The following LSP1 variants were observed in gnomAD, a reference collection of about 807,000 sequenced individuals.
The protein encoded by LSP1 is lymphocyte-specific protein 1.
LSP1 carries 32 observed loss-of-function variants against 49.3 expected under a neutral mutation model. That is an observed-to-expected ratio of 0.65 (90% confidence interval 0.49 to 0.87). The LOEUF (loss-of-function observed/expected upper bound fraction) is 0.87. LSP1 is among the 40% of genes least tolerant of loss of function. LSP1 has a pLI of 0.00. For missense variants in LSP1, 428 were observed against 442.6 expected (o/e 0.97, Z 0.30); for synonymous variants, 179 against 178.8 (o/e 1.00, Z -0.01).
chr11:1,869,682 A>G (rs1847912809), intron 1 of LSP1: 2 of 470,730 alleles, frequency 4.2e-6, no homozygotes, highest in Non-Finnish European at 8.8e-6. Context: ...GGTAGGAGGA[A>G]GATCAAAGAA....
chr11:1,887,464 T>G lies in LSP1; in HGVS notation c.931-10T>G. The G allele has an allele frequency of 6.2e-7, 1 of 1,613,310 alleles. No homozygotes were observed. Among genetic ancestry groups the G allele is most frequent in the Non-Finnish European group, 8.5e-7 (1 of 1,179,390 alleles). On this transcript the variant is annotated splice_polypyrimidine_tract_variant and intron_variant, in intron 9 of 10. Transcript: ENST00000311604. ...CTCTCACCTTCACTCTTGGTCTCCTTTCCCAACAGAGCACCCCATCTGGGA... is the reference window on the plus strand; with the variant it reads ...CTCTCACCTTCACTCTTGGTCTCCTGTCCCAACAGAGCACCCCATCTGGGA...
At chr11:1,860,054 C>G (rs1269485295) in intron 1 of LSP1, among the ~76,000 whole-genome samples, 3 of 152,200 alleles carry the variant, frequency 2.0e-5, no homozygotes, top group African/African-American at 7.2e-5. Flanking sequence ...CCTGTAGCCC[C>G]TGCTTAGGCT....
chr11:1,862,207 A>T (rs1032845530), intron 1 of LSP1, among the ~76,000 whole-genome samples: 2 of 152,048 alleles, frequency 1.3e-5, no homozygotes, highest in African/African-American at 4.8e-5. Context: ...TGGATGGATG[A>T]GTGGGTGAAT....
chr11:1,869,002 T>G, intron 1 of LSP1: 1 of 986,218 alleles, frequency 1.0e-6, no homozygotes, highest in Non-Finnish European at 1.2e-6. Flanking sequence ...TGGACTGGGG[T>G]TAACCACAGA....
rs1345247398 is a variant in LSP1, at chr11:1,887,489, A to C, written c.946A>C (p.Lys316Gln). The C allele has an allele frequency of 6.2e-7, 1 of 1,613,636 alleles. No individual in the cohort carries two copies. The highest frequency in any genetic ancestry group is 2.2e-5 in the East Asian group (1 of 44,838). ...TTCCCAACAGAGCACCCCATCTGGG[A>C]AGAGGTATAAGTTTGTGGCCACCGG... ...SSTIKSTPSG[K>Q]RYKFVATGHG... Residue 316 changes from lysine (K) to glutamine (Q), a missense_variant, in exon 10 of 11, where the codon AAG becomes CAG. Physicochemically the swap from Lys to Gln is moderately conservative, Grantham distance 53 (BLOSUM62 1). Coordinates refer to ENST00000311604, the MANE Select transcript of LSP1 (RefSeq NM_002339.3).
intron 1 of LSP1, chr11:1,866,748 C>G: frequency 6.4e-7 from 1 of 1,550,554 alleles, no homozygotes; most frequent in Non-Finnish European, 8.7e-7. Flanking sequence ...GTCAATCCCC[C>G]AGGCTCACCA....
Position 1,884,178 on chromosome 11 carries a change from A to G in LSP1, c.592-102A>G. On this transcript the variant is annotated intron_variant, in intron 5 of 10. Coordinates refer to ENST00000311604, the MANE Select transcript of LSP1 (RefSeq NM_002339.3). This position sits in a 1 kb window ranked among gnomAD's most constrained non-coding sequence, Gnocchi z 4.1. ...CCGGTGCTCAGCGAACCCCCATGAT[A>G]TAAGGGTTGGGGGTTGGATTAGTGG... is the stretch of plus-strand genomic sequence containing the variant. 4 of 1,453,518 alleles carry G rather than the reference A, an allele frequency of 2.8e-6. No individual in the cohort carries two copies. In the South Asian group the frequency reaches 4.6e-5, roughly 17 times the overall value. 90.0% of individuals were successfully genotyped at this position (1,453,518 alleles called of 1,614,324 possible).
At chr11:1,883,819 C>T (rs1848647368) in intron 4 of LSP1, 113 bp from the exon 5 acceptor site, 3 of 1,074,276 alleles carry the variant, frequency 2.8e-6, no homozygotes, top group Admixed American at 2.2e-5. Context: ...CACGTCAGGG[C>T]CACAGAGAAC....
intron 1 of LSP1, among the ~76,000 whole-genome samples, chr11:1,861,476 A>G (rs889927191): frequency 7.9e-5 from 12 of 152,356 alleles, no homozygotes; most frequent in Non-Finnish European, 1.5e-4. Flanking sequence ...AGACAGATGG[A>G]TGAATGAATG....
intron 1 of LSP1, among the ~76,000 whole-genome samples, chr11:1,861,065 TG>T (rs1847617441): frequency 6.6e-6 from 1 of 152,236 alleles, no homozygotes. Flanking sequence ...GAAAGACGGA[TG>T]TGTGAGTAGA....
At position 1,883,456 on chromosome 11, in the gene LSP1, G is replaced by A. The variant is rs760660868; in HGVS notation, c.394G>A (p.Glu132Lys). 3 of 1,614,120 alleles carry A rather than the reference G, an allele frequency of 1.9e-6. No individual in the cohort carries two copies. Among genetic ancestry groups the A allele is most frequent in the Admixed American group, 1.7e-5 (1 of 60,028 alleles). The part of the protein sequence containing the change: ...LHAYEKEDSD[E>K]VHLEELSLSK... ...TGCCTACGAAAAGGAGGACAGTGAT[G>A]AAGTCCACCTGGAGGAGTTGAGTCT... The change falls in exon 4 of 11, where the codon GAA becomes AAA. Residue 132 changes from glutamate to lysine, a missense_variant. Glu to Lys is a moderately conservative substitution (Grantham distance 56, BLOSUM62 1). Transcript: ENST00000311604.
At position 1,886,712 on chromosome 11, in the gene LSP1, A is replaced by G. The variant is rs778351163; in HGVS notation, c.718-20A>G. 2.8e-5 allele frequency: 44 copies of G among 1,596,620 alleles called. No individual in the cohort carries two copies. The highest frequency in any genetic ancestry group is 2.3e-5 in the East Asian group (1 of 44,434). On this transcript the variant is annotated intron_variant, in intron 7 of 10. Coordinates refer to ENST00000311604, the MANE Select transcript of LSP1 (RefSeq NM_002339.3). ...GTGGCTGTCCACTAAGGTAATCCTG[A>G]TGCTTTTCCTCCTCTGCAGACCGCT... is the stretch of plus-strand genomic sequence containing the variant.
At chr11:1,886,238 C>T (rs1848743880) in intron 7 of LSP1, among the ~76,000 whole-genome samples, 1 of 152,070 alleles carries the variant, frequency 6.6e-6, no homozygotes, top group Admixed American at 6.6e-5. Flanking sequence ...CGGCTCTATC[C>T]AACCAATACT....
intron 8 of LSP1, 90 bp from the exon 9 acceptor site, chr11:1,887,147 G>A: frequency 7.9e-7 from 1 of 1,272,676 alleles, no homozygotes; most frequent in South Asian, 1.4e-5. Context: ...CCCTGGCCAG[G>A]TAAGGCAAGG....
intron 1 of LSP1, chr11:1,870,488 A>G: frequency 8.4e-7 from 1 of 1,197,412 alleles, no homozygotes; most frequent in Non-Finnish European, 1.1e-6. Context: ...GCCGGTGGCC[A>G]GGCCGGGCAC....
chr11:1,886,225 A>G (rs1168852308), intron 7 of LSP1, among the ~76,000 whole-genome samples: 1 of 151,832 alleles, frequency 6.6e-6, no homozygotes, highest in African/African-American at 2.4e-5. Flanking sequence ...CATTGAACCA[A>G]TACGGCTCTA....
At chr11:1,870,946 G>A in intron 1 of LSP1, 2 of 985,940 alleles carry the variant, frequency 2.0e-6, no homozygotes, top group Non-Finnish European at 2.4e-6. Context: ...GCAAAGGCGG[G>A]AGGCGCAGCC....
intron 1 of LSP1, among the ~76,000 whole-genome samples, chr11:1,879,352 A>G (rs921456158): frequency 6.6e-6 from 1 of 152,184 alleles, no homozygotes; most frequent in African/African-American, 2.4e-5. Flanking sequence ...TCTCAAACAA[A>G]CAAACAAAAG....
At chr11:1,856,652 C>T (rs1381106007) in intron 1 of LSP1, among the ~76,000 whole-genome samples, 2 of 152,256 alleles carry the variant, frequency 1.3e-5, no homozygotes, top group African/African-American at 4.8e-5. Context: ...ACCCTCAGAG[C>T]TCCAGATTCT....
Sources: gnomAD v4.1 joint callset for allele counts (sites outside exome capture counted in the v4.1 genomes callset) on GRCh38, gnomAD v4.1.1 for gene constraint, Gnocchi (gnomAD v3.1) non-coding constraint, MANE v1.5 for transcripts, NCBI Gene and HGNC (gene_info 2026-07-23, HGNC 2026-07-21) for gene names.